The following TRAP1 variants were observed in gnomAD, a reference collection of about 807,000 sequenced individuals.
TRAP1 encodes the protein heat shock protein 75 kDa, mitochondrial.
TRAP1 carries 102 observed loss-of-function variants against 89.1 expected under a neutral mutation model. The observed-to-expected ratio is 1.15, with a 90% CI of 0.98 to 1.35. The LOEUF (loss-of-function observed/expected upper bound fraction) is 1.35. Among genes scored for constraint, TRAP1 ranks in the 40% most tolerant of loss-of-function variants. TRAP1 has a pLI of 0.00. For synonymous variants in TRAP1, 508 were observed against 388.0 expected, an observed-to-expected ratio of 1.31 and a Z score of -3.64; for missense variants, 1,256 against 945.3, an observed-to-expected ratio of 1.33 and a Z score of -4.31.
At chr16:3,668,132 T>C (rs960097523) in intron 11 of TRAP1, among the ~76,000 whole-genome samples, 35 of 152,038 alleles carry the variant, frequency 2.3e-4, no homozygotes, top group Non-Finnish European at 7.4e-5. Context: ...TTTCACCATC[T>C]TGGCAGGCTG....
chr16:3,677,181 C>G (rs959578160), intron 6 of TRAP1, among the ~76,000 whole-genome samples: 10 of 152,128 alleles, frequency 6.6e-5, no homozygotes, highest in Middle Eastern at 3.4e-3. Flanking sequence ...TGCAGAAGGT[C>G]GGTCACAGGA....
rs756083645 is a variant in TRAP1 at position 3,686,188 on chromosome 16, G to A, written c.331-52C>T. On this transcript the variant is annotated intron_variant, in intron 3 of 17. Transcript: ENST00000246957. The stretch of plus-strand genomic sequence containing the variant: ...GACAATGAAGGACACTCATCCTGCA[G>A]GATCTATCTGGTCAGCTGCACTTCC... The A allele has an allele frequency of 1.0e-5, 16 of 1,589,972 alleles. No homozygotes were observed. In the African/African-American group the frequency reaches 1.6e-4, roughly 16 times the overall value.
intron 5 of TRAP1, among the ~76,000 whole-genome samples, chr16:3,679,496 T>A (rs2051045400): frequency 6.6e-6 from 1 of 152,090 alleles, no homozygotes; most frequent in Non-Finnish European, 1.5e-5. Flanking sequence ...TCTGCAGACT[T>A]TGCTATCCAA....
chr16:3,675,977 G>C, intron 7 of TRAP1, 59 bp downstream of exon 7: 2 of 1,418,542 alleles, frequency 1.4e-6, no homozygotes, highest in South Asian at 2.5e-5. Context: ...CTGCTGACCT[G>C]GTGGCCTCCA....
chr16:3,702,419 AAG>A (rs1350683053), intron 1 of TRAP1, among the ~76,000 whole-genome samples: 8 of 151,508 alleles, frequency 5.3e-5, no homozygotes, highest in African/African-American at 2.0e-4. Context: ...TTTTTGAGAA[AAG>A]ACTTTCATTT....
chr16:3,662,730 C>G (rs772224171), intron 15 of TRAP1, 152 bp downstream of exon 15: 2 of 742,492 alleles, frequency 2.7e-6, no homozygotes, highest in East Asian at 2.7e-5. Context: ...CAACACGTGC[C>G]GAGCAGGGAC....
At chr16:3,713,856 G>A (rs1002514524) in intron 1 of TRAP1, among the ~76,000 whole-genome samples, 11 of 152,216 alleles carry the variant, frequency 7.2e-5, no homozygotes, top group African/African-American at 2.4e-4. Context: ...GGTGGGCCAC[G>A]TGGCTGGGCT....
At chr16:3,690,510 C>A (rs968745680) in intron 2 of TRAP1, among the ~76,000 whole-genome samples, 1 of 152,166 alleles carries the variant, frequency 6.6e-6, no homozygotes, top group African/African-American at 2.4e-5. Flanking sequence ...TTCGGTCCTG[C>A]GCAGACTGGG....
intron 8 of TRAP1, chr16:3,674,781 C>T (rs962856038): frequency 3.3e-5 from 16 of 479,932 alleles, no homozygotes; most frequent in Middle Eastern, 5.9e-4. Context: ...CCAGCAGGGG[C>T]GAGCTGACGA....
chr16:3,712,966 C>G (rs1443058396), intron 1 of TRAP1, among the ~76,000 whole-genome samples: 1 of 152,206 alleles, frequency 6.6e-6, no homozygotes, highest in Non-Finnish European at 1.5e-5. Flanking sequence ...TTGGTCCTAA[C>G]TAAGCTGAAG....
At chr16:3,687,343 G>A (rs2051151247) in intron 3 of TRAP1, 1 of 152,292 alleles carries the variant, frequency 6.6e-6, no homozygotes, top group Admixed American at 6.5e-5. Context: ...CCAGCCACAT[G>A]GAGGTGTAAG....
chr16:3,683,928 G>A (rs2051105611), intron 4 of TRAP1, among the ~76,000 whole-genome samples: 1 of 152,122 alleles, frequency 6.6e-6, no homozygotes, highest in Admixed American at 6.5e-5. Context: ...CACTTTGGGA[G>A]GCCAAGGCAG....
intron 8 of TRAP1, chr16:3,674,880 C>A: frequency 3.0e-6 from 1 of 328,728 alleles, no homozygotes; most frequent in Non-Finnish European, 5.7e-6. Context: ...GACAGCATGC[C>A]GTGTGACTCC....
At chr16:3,693,761 G>A (rs2051248311) in intron 1 of TRAP1, among the ~76,000 whole-genome samples, 1 of 152,244 alleles carries the variant, frequency 6.6e-6, no homozygotes, top group South Asian at 2.1e-4. Flanking sequence ...GGGAGGCCAA[G>A]GCAGGAGAAT....
chr16:3,690,225 C>T (rs1414928983), intron 2 of TRAP1, among the ~76,000 whole-genome samples: 1 of 152,110 alleles, frequency 6.6e-6, no homozygotes, highest in African/African-American at 2.4e-5. Flanking sequence ...AGGTTGGTCT[C>T]GACCACTTGG....
Position 3,674,505 on chromosome 16 carries a change from A to C in TRAP1, c.889-11T>G. 2 of 1,613,396 alleles carry C rather than the reference A, an allele frequency of 1.2e-6. No homozygotes were observed. Among genetic ancestry groups the C allele is most frequent in the Non-Finnish European group, 1.7e-6 (2 of 1,179,858 alleles). ...CATCATCCAGATGGCCTGGAAACGG[A>C]GATCGGCGGGGAGGGCGTCGTGTTC... On this transcript the variant is annotated splice_polypyrimidine_tract_variant and intron_variant, in intron 8 of 17. Transcript: ENST00000246957.
At chr16:3,670,382 C>CAAAAAAAAAAAAAAAAAAAAAAAAAAA (rs760902038) in intron 11 of TRAP1, among the ~76,000 whole-genome samples, 2 of 22,842 alleles carry the variant, frequency 8.8e-5, no homozygotes, top group African/African-American at 1.2e-4. Context: ...GACTCCGTCT[C>CAAAAAAAAAAAAAAAAAAAAAAAAAAA]AAAAAAAAAA....
At chr16:3,699,168 C>T (rs977265806) in intron 1 of TRAP1, among the ~76,000 whole-genome samples, 1 of 152,176 alleles carries the variant, frequency 6.6e-6, no homozygotes, top group Non-Finnish European at 1.5e-5. Context: ...AGTGCCCATG[C>T]AGCTCCTCCA....
Position 3,677,539 on chromosome 16 carries a change from C to A in TRAP1, c.663G>T (p.Ser221=), listed in dbSNP as rs776790861. Residue 221 remains serine, a synonymous_variant, in exon 6 of 18, where the codon TCG becomes TCT. Coordinates refer to ENST00000246957, the MANE Select transcript of TRAP1 (RefSeq NM_016292.3). ...GGTAACCCAGGCTCCCCGGGGCTGC[C>A]GAGCGGGAATAGACCTCCACTCTGT... is the stretch of plus-strand genomic sequence containing the variant. ...VADRVEVYSR[S]AAPGSLGYQW... is the part of the protein sequence containing the mutation. The A allele has an allele frequency of 1.2e-5, 19 of 1,614,180 alleles. No individual in the cohort carries two copies. The highest frequency in any genetic ancestry group is 6.7e-5 in the East Asian group (3 of 44,872).
Sources: gnomAD v4.1 joint callset for allele counts (sites outside exome capture counted in the v4.1 genomes callset) on GRCh38, gnomAD v4.1.1 for gene constraint, MANE v1.5 for transcripts, NCBI Gene and HGNC (gene_info 2026-07-23, HGNC 2026-07-21) for gene names.